The following CNTNAP2 variants were observed in gnomAD, a reference collection of about 807,000 sequenced individuals.
CNTNAP2 encodes the protein contactin associated protein 2, also known as contactin-associated protein-like 2.
CNTNAP2 carries 98 observed loss-of-function variants against 155.2 expected under a neutral mutation model. That is an observed-to-expected ratio of 0.63 (90% CI 0.54 to 0.75). The LOEUF (loss-of-function observed/expected upper bound fraction) is 0.75. Among genes scored for constraint, CNTNAP2 ranks in the 30% least tolerant of loss-of-function variants. The pLI, the probability that CNTNAP2 is intolerant of heterozygous loss-of-function variation, is 0.00. For synonymous variants in CNTNAP2, 651 were observed against 631.2 expected (o/e 1.03, Z -0.47); for missense variants, 1,727 against 1,688.1 (o/e 1.02, Z -0.40).
At chr7:146,155,118 C>G (rs1398377721) in intron 1 of CNTNAP2, among the ~76,000 whole-genome samples, 5 of 152,096 alleles carry the variant, frequency 3.3e-5, no homozygotes, top group African/African-American at 1.2e-4. Context: ...CTTTGAAAGC[C>G]TGAATAATTT....
At chr7:148,412,586 T>C (rs1799867956) in intron 23 of CNTNAP2, among the ~76,000 whole-genome samples, 1 of 152,234 alleles carries the variant, frequency 6.6e-6, no homozygotes, top group Non-Finnish European at 1.5e-5. Flanking sequence ...CTGTTAGTTC[T>C]AATAACTTTT....
intron 18 of CNTNAP2, among the ~76,000 whole-genome samples, chr7:148,179,084 C>A (rs985430010): frequency 4.6e-5 from 7 of 152,188 alleles, no homozygotes; most frequent in Admixed American, 4.6e-4. Flanking sequence ...GGAAACCACA[C>A]CCACCATATC....
At chr7:146,847,301 C>T (rs1049399209) in intron 3 of CNTNAP2, among the ~76,000 whole-genome samples, 2 of 152,052 alleles carry the variant, frequency 1.3e-5, no homozygotes, top group African/African-American at 4.8e-5. Context: ...CCTGGAGACG[C>T]CTGAGAGGCC....
At chr7:148,020,420 C>T (rs1285459817) in intron 15 of CNTNAP2, among the ~76,000 whole-genome samples, 1 of 152,162 alleles carries the variant, frequency 6.6e-6, no homozygotes, top group African/African-American at 2.4e-5. Flanking sequence ...CATATTTCCC[C>T]TCAAATATAT....
intron 1 of CNTNAP2, among the ~76,000 whole-genome samples, chr7:146,597,702 A>G (rs1798884147): frequency 6.6e-6 from 1 of 152,038 alleles, no homozygotes; most frequent in African/African-American, 2.4e-5. Flanking sequence ...TTTTGGATTG[A>G]GTTCTAAAGT....
chr7:147,991,176 T>C (rs954386543), intron 15 of CNTNAP2, among the ~76,000 whole-genome samples: 2 of 152,226 alleles, frequency 1.3e-5, no homozygotes, highest in African/African-American at 2.4e-5. Context: ...CTCTTTTCTC[T>C]ATTTATTTGC....
chr7:147,561,169 GT>G (rs1449455944), intron 11 of CNTNAP2, among the ~76,000 whole-genome samples: 1 of 152,032 alleles, frequency 6.6e-6, no homozygotes, highest in African/African-American at 2.4e-5. Flanking sequence ...GCTTAACAAT[GT>G]TTTGTAATTT....
At chr7:147,998,822 C>T (rs980870764) in intron 15 of CNTNAP2, among the ~76,000 whole-genome samples, 1 of 152,132 alleles carries the variant, frequency 6.6e-6, no homozygotes, top group Non-Finnish European at 1.5e-5. Context: ...AGTCTGTAGA[C>T]AGTGGGGAGT....
intron 8 of CNTNAP2, among the ~76,000 whole-genome samples, chr7:147,251,746 T>C (rs1467257857): frequency 6.6e-6 from 1 of 152,178 alleles, no homozygotes; most frequent in Non-Finnish European, 1.5e-5. Context: ...ACTGACCAAC[T>C]AGCAAACAAA....
chr7:147,331,527 G>T (rs75891136), intron 9 of CNTNAP2, among the ~76,000 whole-genome samples: 2,313 of 152,014 alleles, frequency 0.015, 55 homozygotes, highest in African/African-American at 0.052. Context: ...ATGAATGAGA[G>T]TGCACAGAAT....
intron 9 of CNTNAP2, among the ~76,000 whole-genome samples, chr7:147,324,625 C>G (rs1182574834): frequency 1.3e-5 from 2 of 152,044 alleles, no homozygotes; most frequent in African/African-American, 4.8e-5. Flanking sequence ...TCAAATCTTT[C>G]TTCAACTTAT....
chr7:148,356,070 C>G (rs1376663975), intron 21 of CNTNAP2, among the ~76,000 whole-genome samples: 2 of 152,186 alleles, frequency 1.3e-5, no homozygotes, highest in Non-Finnish European at 2.9e-5. Context: ...TGGTTACACA[C>G]ACATAGACTA....
intron 8 of CNTNAP2, 74 bp downstream of exon 8, chr7:147,132,583 GT>G: frequency 6.3e-7 from 1 of 1,592,648 alleles, no homozygotes; most frequent in Non-Finnish European, 8.6e-7. Flanking sequence ...GCTTTGTTTG[GT>G]TTTGCTGGTG....
At chr7:146,891,371 C>T (rs781409244) in intron 3 of CNTNAP2, among the ~76,000 whole-genome samples, 2 of 152,110 alleles carry the variant, frequency 1.3e-5, no homozygotes, top group Non-Finnish European at 2.9e-5. Context: ...CCATGCAACA[C>T]ATCTGCACGT....
chr7:146,702,311 T>A (rs1003291060), intron 1 of CNTNAP2, among the ~76,000 whole-genome samples: 1 of 152,144 alleles, frequency 6.6e-6, no homozygotes, highest in Admixed American at 6.6e-5. Flanking sequence ...AGAAAAAAAT[T>A]AAGTATTCTA....
intron 23 of CNTNAP2, among the ~76,000 whole-genome samples, chr7:148,410,418 T>G (rs997239817): frequency 1.3e-5 from 2 of 151,926 alleles, no homozygotes; most frequent in Non-Finnish European, 2.9e-5. Context: ...AATACAAAAG[T>G]TAGCCAGGCG....
At chr7:146,908,960 AT>A (rs2129216190) in intron 3 of CNTNAP2, among the ~76,000 whole-genome samples, 1 of 149,220 alleles carries the variant, frequency 6.7e-6, no homozygotes, top group Admixed American at 6.6e-5. Context: ...ATAAAAAATG[AT>A]AAAGGGGATA....
chr7:147,109,205 G>C (rs1379937569), intron 5 of CNTNAP2, among the ~76,000 whole-genome samples: 1 of 152,158 alleles, frequency 6.6e-6, no homozygotes, highest in African/African-American at 2.4e-5. Flanking sequence ...GTGAGAGATA[G>C]TACTGCTTGT....
At chr7:146,232,251 G>C (rs1207295257) in intron 1 of CNTNAP2, among the ~76,000 whole-genome samples, 1 of 150,178 alleles carries the variant, frequency 6.7e-6, no homozygotes, top group Non-Finnish European at 1.5e-5. Context: ...AAGATGCCCT[G>C]AATGCCTGTA....
Sources: allele counts gnomAD v4.1 joint callset (sites outside exome capture counted in the v4.1 genomes callset), GRCh38; gene constraint gnomAD v4.1.1; transcripts MANE v1.5; gene names NCBI Gene and HGNC (gene_info 2026-07-23, HGNC 2026-07-21).